Variants in SCHIP1 observed in about 807,000 individuals in gnomAD.
SCHIP1 encodes schwannomin-interacting protein 1.
A neutral mutation model predicts 29.7 loss-of-function variants in SCHIP1; 8 were observed. That is an observed-to-expected ratio of 0.27 (90% CI 0.16 to 0.49). The LOEUF is 0.49. Among genes scored for constraint, SCHIP1 ranks in the 20% least tolerant of loss-of-function variants. SCHIP1 has a pLI of 0.99. For missense variants in SCHIP1, 193 were observed against 294.6 expected (o/e 0.66, Z 2.52); for synonymous variants, 76 against 94.9 (o/e 0.80, Z 1.16).
chr3:159,491,564 C>T, the SCHIP1 span, among the ~76,000 whole-genome samples: 1 of 152,150 alleles, frequency 6.6e-6, no homozygotes, highest in East Asian at 1.9e-4. Flanking sequence ...GGGAGGGGCG[C>T]CCACCAATGC....
chr3:159,740,761 C>CAAAAAAAAACAAAAAA, the SCHIP1 span, among the ~76,000 whole-genome samples: 2 of 14,350 alleles, frequency 1.4e-4, no homozygotes, highest in East Asian at 2.9e-3. Flanking sequence ...ATTGTATATT[C>CAAAAAAAAACAAAAAA]AAAAAAAAAG....
chr3:159,499,790 A>C, the SCHIP1 span, among the ~76,000 whole-genome samples: 1 of 152,230 alleles, frequency 6.6e-6, no homozygotes, highest in African/African-American at 2.4e-5. Flanking sequence ...TTACTTAACT[A>C]TCACCATACC....
At position 159,892,193 on chromosome 3, in the gene SCHIP1, C is replaced by T. The variant is rs1429336760; in HGVS notation, c.683+3C>T. On this transcript the variant is annotated splice_donor_region_variant and intron_variant, in intron 6 of 6. Coordinates refer to ENST00000445224, the Ensembl canonical transcript of SCHIP1. ...GTGGACATTGAAGACTTGACCAGGT[C>T]AGTGTGGCTTCACTCTTGCCAAAGA... The T allele has an allele frequency of 3.7e-6, 6 of 1,613,986 alleles. No homozygotes were observed. The South Asian group carries it at 6.6e-5, about 18-fold the overall frequency.
the SCHIP1 span, among the ~76,000 whole-genome samples, chr3:159,832,705 C>T: frequency 0.013 from 2,054 of 152,280 alleles, 39 homozygotes; most frequent in African/African-American, 0.047. Flanking sequence ...TCCCTCTCTT[C>T]TTGTCACTTC....
chr3:159,509,535 G>A, the SCHIP1 span, among the ~76,000 whole-genome samples: 6 of 152,122 alleles, frequency 3.9e-5, no homozygotes, highest in South Asian at 2.1e-4. Flanking sequence ...TATTTTGCTC[G>A]TTAGTTGATG....
the SCHIP1 span, among the ~76,000 whole-genome samples, chr3:159,757,136 A>G: frequency 6.6e-6 from 1 of 152,206 alleles, no homozygotes; most frequent in Non-Finnish European, 1.5e-5. Context: ...TACTGGTACA[A>G]ATTTACTGTA....
chr3:159,892,322 C>A, intron 6 of SCHIP1, 132 bp downstream of exon 7: 1 of 1,027,304 alleles, frequency 9.7e-7, no homozygotes, highest in Non-Finnish European at 1.5e-6. Flanking sequence ...TTTTCTGGTG[C>A]CAGCTGTTCA....
At chr3:159,830,124 G>A in the SCHIP1 span, among the ~76,000 whole-genome samples, 6 of 152,252 alleles carry the variant, frequency 3.9e-5, no homozygotes, top group Middle Eastern at 6.8e-3. Flanking sequence ...GGATTCTTTC[G>A]ATGTGGCACA....
chr3:159,579,794 T>G, the SCHIP1 span, among the ~76,000 whole-genome samples: 4 of 152,266 alleles, frequency 2.6e-5, no homozygotes, highest in Admixed American at 2.0e-4. Context: ...AGGCACATTT[T>G]GTAATAAATA....
At chr3:159,493,688 A>G in the SCHIP1 span, among the ~76,000 whole-genome samples, 1 of 151,344 alleles carries the variant, frequency 6.6e-6, no homozygotes, top group South Asian at 2.1e-4. Flanking sequence ...CATTAGACAG[A>G]TCAACAAGAC....
chr3:159,722,224 C>A, the SCHIP1 span: 1,535 of 180,040 alleles, frequency 8.5e-3, 22 homozygotes, highest in African/African-American at 0.035. Context: ...GTGGTCTCTT[C>A]TTGTACCTTC....
chr3:159,842,319 C>T (rs887396685), intron 1 of SCHIP1, among the ~76,000 whole-genome samples: 1 of 151,936 alleles, frequency 6.6e-6, no homozygotes, highest in African/African-American at 2.4e-5. Context: ...GGGGCCATTC[C>T]CCTGAAAATT....
the SCHIP1 span, chr3:159,721,489 G>T: frequency 2.0e-5 from 3 of 153,372 alleles, no homozygotes; most frequent in Non-Finnish European, 4.4e-5. Flanking sequence ...GAGAGAGAAA[G>T]AACTGGTATT....
chr3:159,528,694 G>A, the SCHIP1 span, among the ~76,000 whole-genome samples: 1 of 152,174 alleles, frequency 6.6e-6, no homozygotes, highest in Non-Finnish European at 1.5e-5. Flanking sequence ...ACCCTGAGCT[G>A]AGTCAAGCAC....
At chr3:159,481,673 G>A in the SCHIP1 span, among the ~76,000 whole-genome samples, 1 of 152,068 alleles carries the variant, frequency 6.6e-6, no homozygotes, top group Non-Finnish European at 1.5e-5. Flanking sequence ...AACTTTTCTT[G>A]TTTTGACTGT....
the SCHIP1 span, among the ~76,000 whole-genome samples, chr3:159,368,534 T>C: frequency 6.6e-6 from 1 of 152,242 alleles, no homozygotes; most frequent in East Asian, 1.9e-4. Flanking sequence ...GAATCGGTTA[T>C]GACCACAGAA....
At chr3:159,300,446 A>G in the SCHIP1 span, among the ~76,000 whole-genome samples, 1 of 152,116 alleles carries the variant, frequency 6.6e-6, no homozygotes, top group African/African-American at 2.4e-5. Context: ...TGCTACGTTC[A>G]AAAAGCACCA....
chr3:159,289,264 TTTCAG>T, the SCHIP1 span, among the ~76,000 whole-genome samples: 1 of 152,158 alleles, frequency 6.6e-6, no homozygotes, highest in African/African-American at 2.4e-5. Context: ...TACCTACTTA[TTTCAG>T]TAGCATCAAA....
the SCHIP1 span, among the ~76,000 whole-genome samples, chr3:159,471,810 A>C: frequency 1.3e-5 from 2 of 152,154 alleles, no homozygotes; most frequent in Non-Finnish European, 2.9e-5. Context: ...AGTGGAAATC[A>C]ACTTATGGAA....
Sources: allele counts gnomAD v4.1 joint callset (sites outside exome capture counted in the v4.1 genomes callset), GRCh38; gene constraint gnomAD v4.1.1; transcripts MANE v1.5; gene names NCBI Gene and HGNC (gene_info 2026-07-23, HGNC 2026-07-21).